Variants in JAZF1 observed in about 807,000 individuals in gnomAD.
The protein encoded by JAZF1 is JAZF zinc finger 1.
Under a neutral mutation model 26.4 loss-of-function variants are expected in JAZF1, and 8 were observed. The ratio of observed to expected loss-of-function variants is 0.30; its 90% CI spans 0.18 to 0.55. JAZF1 has a LOEUF of 0.55. JAZF1 is among the 20% of genes least tolerant of loss of function. JAZF1 has a pLI of 0.94. For missense variants in JAZF1, 199 were observed against 322.0 expected (o/e 0.62, Z 2.92); for synonymous variants, 126 against 122.3 (o/e 1.03, Z -0.20).
chr7:28,096,220 T>G (rs919605707), intron 1 of JAZF1, among the ~76,000 whole-genome samples: 1 of 152,172 alleles, frequency 6.6e-6, no homozygotes, highest in Non-Finnish European at 1.5e-5. Context: ...AAAACAAGAA[T>G]GAAGGGAACA....
At chr7:28,050,118 T>C (rs1382329034) in intron 1 of JAZF1, among the ~76,000 whole-genome samples, 1 of 151,976 alleles carries the variant, frequency 6.6e-6, no homozygotes, top group South Asian at 2.1e-4. Context: ...GGAAATTCCA[T>C]GAGATGGAGG....
chr7:28,172,641 A>T (rs529695811), intron 1 of JAZF1, among the ~76,000 whole-genome samples: 1 of 152,212 alleles, frequency 6.6e-6, no homozygotes, highest in Non-Finnish European at 1.5e-5. Flanking sequence ...CACATCTAAC[A>T]AGTGAAAGAA....
At chr7:28,016,103 G>A (rs757674330) in intron 1 of JAZF1, among the ~76,000 whole-genome samples, 4 of 152,152 alleles carry the variant, frequency 2.6e-5, no homozygotes, top group East Asian at 1.9e-4. Flanking sequence ...GAAAGCTGCC[G>A]GTGCCTTCAG....
intron 1 of JAZF1, among the ~76,000 whole-genome samples, chr7:28,017,334 G>C (rs915481485): frequency 3.5e-5 from 5 of 143,748 alleles, no homozygotes; most frequent in Non-Finnish European, 3.0e-5. Context: ...CTAGGCGACA[G>C]TGAGACTCTG....
At chr7:27,864,105 C>G (rs973746982) in intron 3 of JAZF1, 1 of 152,142 alleles carries the variant, frequency 6.6e-6, no homozygotes, top group Non-Finnish European at 1.5e-5. Flanking sequence ...GTGACGAGAC[C>G]GTCGTCATCC....
intron 1 of JAZF1, among the ~76,000 whole-genome samples, chr7:28,012,000 C>A (rs1312868538): frequency 6.6e-6 from 1 of 152,176 alleles, no homozygotes; most frequent in East Asian, 1.9e-4. Flanking sequence ...TGCTAACAAC[C>A]ATATTCCAGG....
At chr7:28,037,628 T>C (rs1289108200) in intron 1 of JAZF1, among the ~76,000 whole-genome samples, 4 of 152,218 alleles carry the variant, frequency 2.6e-5, no homozygotes, top group African/African-American at 9.6e-5. Context: ...TTTACAGTTT[T>C]ATTTGTATGT....
chr7:27,948,615 A>G (rs1199070096), intron 2 of JAZF1, among the ~76,000 whole-genome samples: 1 of 152,214 alleles, frequency 6.6e-6, no homozygotes, highest in African/African-American at 2.4e-5. Flanking sequence ...GGCATGCGGG[A>G]GCACTTACAG....
chr7:28,145,909 A>T (rs994170547), intron 1 of JAZF1, among the ~76,000 whole-genome samples: 1 of 152,192 alleles, frequency 6.6e-6, no homozygotes, highest in African/African-American at 2.4e-5. Flanking sequence ...TCTTTCACTC[A>T]GTATGATGGG....
intron 1 of JAZF1, among the ~76,000 whole-genome samples, chr7:28,105,970 G>C (rs900967605): frequency 2.0e-5 from 3 of 152,184 alleles, no homozygotes; most frequent in African/African-American, 7.2e-5. Flanking sequence ...CAAGAAAAAT[G>C]AGGTAGCATG....
At chr7:28,111,070 T>C (rs10276070) in intron 1 of JAZF1, among the ~76,000 whole-genome samples, 81,224 of 151,994 alleles carry the variant, frequency 0.53, 23,436 homozygotes, top group Non-Finnish European at 0.64. Flanking sequence ...AGTAGACAAC[T>C]AGATCTGGCT....
intron 2 of JAZF1, among the ~76,000 whole-genome samples, chr7:27,912,082 T>C (rs1235010328): frequency 6.6e-6 from 1 of 151,874 alleles, no homozygotes; most frequent in African/African-American, 2.4e-5. Context: ...AAAATGTTAA[T>C]AGAGGACATA....
At chr7:27,996,009 A>T (rs1307028257) in intron 1 of JAZF1, among the ~76,000 whole-genome samples, 1 of 152,212 alleles carries the variant, frequency 6.6e-6, no homozygotes, top group Admixed American at 6.5e-5. Context: ...TGTGAAGCCC[A>T]CGTTGATCCT....
chr7:27,977,086 T>C (rs73683922), intron 2 of JAZF1, among the ~76,000 whole-genome samples: 11,502 of 152,250 alleles, frequency 0.076, 1,504 homozygotes, highest in African/African-American at 0.26. Flanking sequence ...GTCTCTTAAA[T>C]CCAACATCTG....
chr7:28,050,470 G>T (rs1333863058), intron 1 of JAZF1, among the ~76,000 whole-genome samples: 2 of 151,950 alleles, frequency 1.3e-5, no homozygotes, highest in African/African-American at 2.4e-5. Flanking sequence ...CTTTAATAGG[G>T]TCTATTTTAT....
chr7:27,893,872 T>TC (rs949615442), intron 3 of JAZF1, among the ~76,000 whole-genome samples: 4 of 152,152 alleles, frequency 2.6e-5, no homozygotes, highest in Non-Finnish European at 5.9e-5. Flanking sequence ...CACGCTCTGC[T>TC]CAGGGTCCAG....
chr7:28,062,075 G>A (rs1783806724), intron 1 of JAZF1, among the ~76,000 whole-genome samples: 2 of 152,122 alleles, frequency 1.3e-5, no homozygotes, highest in South Asian at 4.1e-4. Flanking sequence ...AGAGAAATGA[G>A]CTCCTATTGA....
At chr7:27,841,210 C>T (rs189889902) in intron 3 of JAZF1, 71 of 230,122 alleles carry the variant, frequency 3.1e-4, no homozygotes, top group Admixed American at 2.2e-3. Flanking sequence ...AAATAAGCAA[C>T]GATGACAGGC....
chr7:28,035,628 G>A (rs1322997516), intron 1 of JAZF1, among the ~76,000 whole-genome samples: 1 of 152,128 alleles, frequency 6.6e-6, no homozygotes, highest in Admixed American at 6.6e-5. Context: ...TTTGGGAAGG[G>A]CTGGACGAGA....
Sources: gnomAD v4.1 joint callset for allele counts (sites outside exome capture counted in the v4.1 genomes callset) on GRCh38, gnomAD v4.1.1 for gene constraint, MANE v1.5 for transcripts, NCBI Gene and HGNC (gene_info 2026-07-23, HGNC 2026-07-21) for gene names.